ZFHX3: variants seen among roughly 807,000 people sequenced by gnomAD.
ZFHX3 encodes the protein zinc finger homeobox protein 3.
Under a neutral mutation model 279.1 loss-of-function variants are expected in ZFHX3, and 42 were observed. The observed-to-expected ratio is 0.15, with a 90% CI of 0.12 to 0.19. The LOEUF is 0.19. ZFHX3 is among the 10% of genes least tolerant of loss of function. The pLI, the probability that ZFHX3 is intolerant of heterozygous loss-of-function variation, is 1.00. For synonymous variants in ZFHX3, 2,293 were observed against 1,957.8 expected, an observed-to-expected ratio of 1.17 and a Z score of -4.52; for missense variants, 4,981 against 4,754.0, an observed-to-expected ratio of 1.05 and a Z score of -1.40.
chr16:73,617,954 C>A (rs548264911), intron 2 of ZFHX3, among the ~76,000 whole-genome samples: 190 of 152,256 alleles, frequency 1.2e-3, no homozygotes, highest in Middle Eastern at 3.4e-3. Flanking sequence ...TACCCATGAA[C>A]CTCTGGCTCT....
intron 2 of ZFHX3, among the ~76,000 whole-genome samples, chr16:73,653,983 G>C (rs1597049200): frequency 6.6e-6 from 1 of 152,160 alleles, no homozygotes; most frequent in South Asian, 2.1e-4. Context: ...AGGAGATCAA[G>C]ACCATCCTGG....
chr16:73,145,501 A>T (rs1597181337), intron 5 of ZFHX3, among the ~76,000 whole-genome samples: 1 of 152,342 alleles, frequency 6.6e-6, no homozygotes, highest in African/African-American at 2.4e-5. Context: ...CTCAGAGGTG[A>T]TGGAAGTGGC....
chr16:73,580,296 G>A (rs531638314), intron 2 of ZFHX3, among the ~76,000 whole-genome samples: 4 of 151,926 alleles, frequency 2.6e-5, no homozygotes, highest in African/African-American at 9.7e-5. Context: ...TGGCCAACAT[G>A]GTGAAACCCC....
At chr16:73,624,295 A>T (rs979579552) in intron 2 of ZFHX3, among the ~76,000 whole-genome samples, 1 of 152,224 alleles carries the variant, frequency 6.6e-6, no homozygotes, top group Non-Finnish European at 1.5e-5. Context: ...AAATGCACCA[A>T]TGTTTATGTT....
At chr16:72,978,112 G>A (rs1346788263) in intron 1 of ZFHX3, among the ~76,000 whole-genome samples, 1 of 152,104 alleles carries the variant, frequency 6.6e-6, no homozygotes. Flanking sequence ...TGACCTGCCC[G>A]CCTCATCCTC....
At chr16:73,404,826 G>A (rs2017327424) in intron 3 of ZFHX3, among the ~76,000 whole-genome samples, 2 of 152,146 alleles carry the variant, frequency 1.3e-5, no homozygotes, top group Admixed American at 6.5e-5. Flanking sequence ...CATTTCCTAA[G>A]TGTTTCCCAG....
chr16:72,818,921 A>T (rs1279736925), intron 5 of ZFHX3, among the ~76,000 whole-genome samples: 3 of 152,238 alleles, frequency 2.0e-5, no homozygotes, highest in Non-Finnish European at 4.4e-5. Context: ...TTTCAAAGAA[A>T]ATTTGATTTA....
intron 5 of ZFHX3, among the ~76,000 whole-genome samples, chr16:73,146,885 G>A (rs1185209740): frequency 1.3e-5 from 2 of 152,142 alleles, no homozygotes; most frequent in Non-Finnish European, 2.9e-5. Context: ...TCGAACTCCT[G>A]GGCTCAAGCC....
intron 2 of ZFHX3, among the ~76,000 whole-genome samples, chr16:73,591,692 CAA>C (rs57402211): frequency 2.4e-4 from 8 of 33,442 alleles, no homozygotes; most frequent in East Asian, 1.3e-3. Flanking sequence ...GACTCTGTCT[CAA>C]AAAAAAAAAA....
intron 1 of ZFHX3, among the ~76,000 whole-genome samples, chr16:73,709,712 A>G (rs1296170262): frequency 6.6e-6 from 1 of 152,166 alleles, no homozygotes; most frequent in African/African-American, 2.4e-5. Context: ...CAACATGATG[A>G]CTATAGACAG....
rs376664730 is a variant in ZFHX3, at chr16:72,979,534, A to G, written c.-49-19340T>C. Reference sequence around the variant, plus strand: ...TTAAAATGGAAATTTTACATGGACCAGTGATGGCAATGTGTCCAACCAAAA... The same window carrying G: ...TTAAAATGGAAATTTTACATGGACCGGTGATGGCAATGTGTCCAACCAAAA... On this transcript the variant is annotated intron_variant, in intron 1 of 9. Transcript: ENST00000268489. 4.5e-4 allele frequency among the ~76,000 whole-genome samples: 69 copies of G among 152,340 alleles called. 1 individual carries two copies. In the South Asian group the frequency reaches 0.013, roughly 30 times the overall value.
At chr16:73,102,613 G>A (rs552769185) in intron 7 of ZFHX3, among the ~76,000 whole-genome samples, 1 of 152,152 alleles carries the variant, frequency 6.6e-6, no homozygotes, top group Admixed American at 6.6e-5. Flanking sequence ...TCTGTCCTTG[G>A]TATTGCTGAC....
At chr16:73,517,549 A>C (rs2019543300) in intron 2 of ZFHX3, among the ~76,000 whole-genome samples, 1 of 152,222 alleles carries the variant, frequency 6.6e-6, no homozygotes, top group Non-Finnish European at 1.5e-5. Context: ...TGAGAGCATC[A>C]AATTTATTTG....
chr16:72,957,871 T>G lies in ZFHX3; in HGVS notation c.2275A>C (p.Asn759His), dbSNP rs1472406892. ...CTGAAGACCTGCTCCCCCCCTCCATTCTGCAGGTTCTGCATGTTGTTGAGA... is the reference window on the plus strand; with the variant it reads ...CTGAAGACCTGCTCCCCCCCTCCATGCTGCAGGTTCTGCATGTTGTTGAGA... ...KHLNNMQNLQ[N>H]GGGEQVFSHT... The change falls in exon 2 of 10, where the codon AAT becomes CAT. Residue 759 changes from asparagine (N) to histidine (H), a missense_variant. Physicochemically the swap from Asn to His is moderately conservative, Grantham distance 68 (BLOSUM62 1). Transcript: ENST00000268489. 2 of 1,613,966 alleles carry G rather than the reference T, an allele frequency of 1.2e-6. No homozygotes were observed. The highest frequency in any genetic ancestry group is 3.3e-5 in the Admixed American group (2 of 60,002).
Position 73,013,767 on chromosome 16 carries a change from G to A in ZFHX3, c.-50+33985C>T, listed in dbSNP as rs1044111018. Among the ~76,000 whole-genome samples, 12 of 152,234 alleles carry A rather than the reference G, an allele frequency of 7.9e-5. No individual in the cohort carries two copies. In the South Asian group the frequency reaches 2.3e-3, roughly 29 times the overall value. ...AAATAGGCATTGTTGGAACAGGTAA[G>A]GCTGTAATATTTGGTTTAGCTTTGC... On this transcript the variant is annotated intron_variant, in intron 1 of 9. Coordinates refer to ENST00000268489, the MANE Select transcript of ZFHX3 (RefSeq NM_006885.4).
intron 5 of ZFHX3, among the ~76,000 whole-genome samples, chr16:73,251,883 ACCACACACACAC>A (rs2013509611): frequency 1.0e-5 from 1 of 99,998 alleles, no homozygotes. Context: ...ATGCACACAC[ACCACACACACAC>A]CATGCACACA....
At chr16:73,562,595 C>CAAAAAAAAAAAAAAA (rs35887424) in intron 2 of ZFHX3, among the ~76,000 whole-genome samples, 1 of 102,364 alleles carries the variant, frequency 9.8e-6, no homozygotes, top group Non-Finnish European at 1.9e-5. Flanking sequence ...GACTCCGTCT[C>CAAAAAAAAAAAAAAA]AAAAAAAAAA....
intron 3 of ZFHX3, among the ~76,000 whole-genome samples, chr16:73,337,609 C>G (rs2015939059): frequency 2.0e-5 from 3 of 151,998 alleles, no homozygotes. Flanking sequence ...CCGTCTTTGT[C>G]TCCATCCCTG....
At chr16:72,856,401 T>C (rs1011422940) in intron 4 of ZFHX3, among the ~76,000 whole-genome samples, 1 of 152,232 alleles carries the variant, frequency 6.6e-6, no homozygotes, top group African/African-American at 2.4e-5. Context: ...TGTTCCCAAG[T>C]GAAGAGCTGC....
Sources: gnomAD v4.1 joint callset for allele counts (sites outside exome capture counted in the v4.1 genomes callset) on GRCh38, gnomAD v4.1.1 for gene constraint, MANE v1.5 for transcripts, NCBI Gene and HGNC (gene_info 2026-07-23, HGNC 2026-07-21) for gene names.